Variants in PWWP3B observed in about 807,000 individuals in gnomAD.
The protein encoded by PWWP3B is PWWP domain-containing DNA repair factor 3B.
A neutral mutation model predicts 15.7 loss-of-function variants in PWWP3B; 5 were observed. The observed-to-expected ratio is 0.32, with a 90% CI of 0.17 to 0.67. PWWP3B has a LOEUF of 0.67. Among genes scored for constraint, PWWP3B ranks in the 30% least tolerant of loss-of-function variants. The pLI is 0.74. For missense variants in PWWP3B, 519 were observed against 493.1 expected (o/e 1.05, Z -0.50); for synonymous variants, 203 against 179.8 (o/e 1.13, Z -1.03).
At position 106,193,123 on chromosome X, in the gene PWWP3B, A is replaced by G. The variant is rs748999431; in HGVS notation, c.-400-10862A>G. ...AACTTTCTGTCTCATTGATCTGTCT[A>G]ATGTTGAGAGTGGGGTGTTAAAGTC... On this transcript the variant is annotated intron_variant, in intron 2 of 3. Transcript: ENST00000357175. Among the ~76,000 whole-genome samples, 4 of 111,110 alleles carry G rather than the reference A, an allele frequency of 3.6e-5. No homozygotes were observed. The East Asian group carries it at 8.5e-4, about 24-fold the overall frequency.
At chrX:106,183,772 T>A (rs1203037617) in intron 2 of PWWP3B, among the ~76,000 whole-genome samples, 3 of 112,181 alleles carry the variant, frequency 2.7e-5, no homozygotes, top group Non-Finnish European at 3.8e-5. Flanking sequence ...GTCAATTTCC[T>A]GGCCCTCAAT....
At position 106,207,603 on chromosome X, in the gene PWWP3B, A is replaced by G. The variant is rs1924121922; in HGVS notation, c.*80A>G. 17 of 974,464 alleles carry G rather than the reference A, an allele frequency of 1.7e-5. No individual in the cohort carries two copies. The South Asian group carries it at 4.1e-4, about 24-fold the overall frequency. The allele number at this position is 974,464 out of a possible 1,213,427, so 80.3% of individuals were successfully genotyped here. On this transcript the variant is annotated 3_prime_UTR_variant, in exon 4 of 4. Coordinates refer to ENST00000357175, the MANE Select transcript of PWWP3B (RefSeq NM_001171020.2). ...AAGTCTCTGAACAATTCTCTCTAAT[A>G]CATATTTTCTGCAAATGGGAGCATG... is the stretch of plus-strand genomic sequence containing the variant.
rs1923431985 is a variant in PWWP3B, at chrX:106,197,233, T to C, written c.-400-6752T>C. 1.3e-4 allele frequency among the ~76,000 whole-genome samples: 15 copies of C among 112,033 alleles called. No individual in the cohort carries two copies. The Admixed American group carries it at 1.4e-3, about 11-fold the overall frequency. On this transcript the variant is annotated intron_variant, in intron 2 of 3. Transcript: ENST00000357175. ...TTTCTCAGGCTGCTTTTCATTCATG[T>C]AAGAACTGGGTTAGAGAGGGTTCCC...
chrX:106,180,810 G>A (rs752767952), intron 2 of PWWP3B, among the ~76,000 whole-genome samples: 7 of 111,245 alleles, frequency 6.3e-5, no homozygotes, highest in African/African-American at 6.5e-5. Context: ...TGTCTATATC[G>A]ACCTCTTGCT....
chrX:106,206,679 A>G lies in PWWP3B; in HGVS notation c.1247A>G (p.Lys416Arg). Reference protein sequence around the residue: ...WPAVIKSIRRKERKASVLFVE... With the variant: ...WPAVIKSIRRRERKASVLFVE... ...GCAGTGATAAAAAGTATCAGACGAA[A>G]AGAGAGGAAAGCAAGTGTGCTTTTT... Residue 416 changes from lysine (K) to arginine (R), a missense_variant, in exon 4 of 4, where the codon AAA becomes AGA. By Grantham distance (26) the Lys-to-Arg change is conservative (BLOSUM62 2). Coordinates refer to ENST00000357175, the MANE Select transcript of PWWP3B (RefSeq NM_001171020.2). 2 of 1,210,320 alleles carry G rather than the reference A, an allele frequency of 1.7e-6. No individual in the cohort carries two copies. The highest frequency in any genetic ancestry group is 2.2e-6 in the Non-Finnish European group (2 of 894,736).
At chrX:106,190,805 G>A (rs1471505385) in intron 2 of PWWP3B, among the ~76,000 whole-genome samples, 8 of 111,390 alleles carry the variant, frequency 7.2e-5, no homozygotes, top group African/African-American at 2.6e-4. Context: ...ATAGGGAATC[G>A]TTTCCCCATT....
At chrX:106,187,591 T>G (rs1922595110) in intron 2 of PWWP3B, among the ~76,000 whole-genome samples, 1 of 112,194 alleles carries the variant, frequency 8.9e-6, no homozygotes, top group Non-Finnish European at 1.9e-5. Flanking sequence ...TATACTTGGG[T>G]TGATCATTAT....
Position 106,194,861 on chromosome X carries a change from T to C in PWWP3B, c.-400-9124T>C, listed in dbSNP as rs775781495. Among the ~76,000 whole-genome samples, 144 of 111,778 alleles carry C rather than the reference T, an allele frequency of 1.3e-3. 1 individual carries two copies. The highest frequency in any genetic ancestry group is 4.5e-3 in the African/African-American group (139 of 30,756). ...GCGGTGGCTGCAGAACAGCGGATATTGGTGAACTGCAGATGCTGCTGCCTG... is the reference window on the plus strand; with the variant it reads ...GCGGTGGCTGCAGAACAGCGGATATCGGTGAACTGCAGATGCTGCTGCCTG... On this transcript the variant is annotated intron_variant, in intron 2 of 3. Transcript: ENST00000357175.
At chrX:106,190,306 AT>A (rs1410410598) in intron 2 of PWWP3B, among the ~76,000 whole-genome samples, 8 of 112,027 alleles carry the variant, frequency 7.1e-5, no homozygotes, top group African/African-American at 2.3e-4. Flanking sequence ...AATGATGAGC[AT>A]TTTTTCATGT....
intron 2 of PWWP3B, among the ~76,000 whole-genome samples, chrX:106,197,024 G>T (rs944446600): frequency 9.0e-6 from 1 of 111,421 alleles, no homozygotes; most frequent in Non-Finnish European, 1.9e-5. Context: ...TTATTATCAG[G>T]TGCTAGGCTC....
intron 2 of PWWP3B, among the ~76,000 whole-genome samples, chrX:106,171,755 T>C (rs915676359): frequency 9.1e-6 from 1 of 110,280 alleles, no homozygotes; most frequent in African/African-American, 3.3e-5. Flanking sequence ...CTGTATACCA[T>C]GTTACTGTAC....
chrX:106,194,325 G>A (rs1923223539), intron 2 of PWWP3B, among the ~76,000 whole-genome samples: 1 of 111,416 alleles, frequency 9.0e-6, no homozygotes, highest in Admixed American at 9.5e-5. Context: ...TCTTCCAGTT[G>A]ATCACATCGG....
In PWWP3B at chrX:106,205,900, A is replaced by G. The variant is rs748961511; in HGVS notation, c.468A>G (p.Ala156=). 4 of 1,211,374 alleles carry G rather than the reference A, an allele frequency of 3.3e-6. No individual in the cohort carries two copies. Among genetic ancestry groups the G allele is most frequent in the Middle Eastern group, 2.3e-4 (1 of 4,355 alleles). Residue 156 remains alanine, a synonymous_variant, in exon 4 of 4, where the codon GCA becomes GCG. Coordinates refer to ENST00000357175, the MANE Select transcript of PWWP3B (RefSeq NM_001171020.2). Reference sequence around the variant, plus strand: ...GGGAAAACTCAGCATGCTTGTTAGCATCTTCAGAGAGTGATGATTCCCTGT... The same window carrying G: ...GGGAAAACTCAGCATGCTTGTTAGCGTCTTCAGAGAGTGATGATTCCCTGT... ...EERENSACLL[A]SSESDDSLYD...
At chrX:106,195,540 G>C (rs758110479) in intron 2 of PWWP3B, among the ~76,000 whole-genome samples, 1 of 111,347 alleles carries the variant, frequency 9.0e-6, no homozygotes, top group African/African-American at 3.3e-5. Flanking sequence ...GAATATTTTG[G>C]TGTGTGATGT....
chrX:106,170,154 A>C (rs1037359420), intron 1 of PWWP3B, among the ~76,000 whole-genome samples: 6 of 112,161 alleles, frequency 5.3e-5, no homozygotes, highest in Non-Finnish European at 9.4e-5. Context: ...TTTGTAAAGC[A>C]ATTCACAAAA....
At chrX:106,185,685 G>A (rs756741769) in intron 2 of PWWP3B, among the ~76,000 whole-genome samples, 17 of 111,702 alleles carry the variant, frequency 1.5e-4, no homozygotes, top group Admixed American at 3.8e-4. Flanking sequence ...AGTCCTATGC[G>A]CTCTCCTGTT....
At chrX:106,190,483 AT>A (rs945972877) in intron 2 of PWWP3B, among the ~76,000 whole-genome samples, 1 of 110,913 alleles carries the variant, frequency 9.0e-6, no homozygotes, top group Admixed American at 9.6e-5. Flanking sequence ...ATTTTCTCCC[AT>A]TTTGTAGGTT....
rs1456400193 is a variant in PWWP3B at position 106,168,425 on chromosome X, G to C, written c.-529G>C. ...AGAGTTCTCGAAGATTTGGAATAAA[G>C]GTGAGAAAAGAAGAGAGTGCTGCTT... is the stretch of plus-strand genomic sequence containing the variant. On this transcript the variant is annotated splice_region_variant and 5_prime_UTR_variant, in exon 1 of 4. Coordinates refer to ENST00000357175, the MANE Select transcript of PWWP3B (RefSeq NM_001171020.2). 1 of 112,152 alleles carries C rather than the reference G, an allele frequency of 8.9e-6. No individual in the cohort carries two copies. Among genetic ancestry groups the C allele is most frequent in the Non-Finnish European group, 1.9e-5 (1 of 53,277 alleles). The allele number at this position is 112,152 out of a possible 1,213,427, so 9.2% of individuals were successfully genotyped here. A position where few individuals can be genotyped will look rare whatever the true frequency, so the allele number is the denominator to read the frequency against.
chrX:106,182,832 G>T (rs190801388), intron 2 of PWWP3B, among the ~76,000 whole-genome samples: 1 of 111,276 alleles, frequency 9.0e-6, no homozygotes, highest in Non-Finnish European at 1.9e-5. Context: ...GGCAAGGAGC[G>T]GTGTTAAAGA....
Sources: gnomAD v4.1 joint callset for allele counts (sites outside exome capture counted in the v4.1 genomes callset) on GRCh38, gnomAD v4.1.1 for gene constraint, MANE v1.5 for transcripts, NCBI Gene and HGNC (gene_info 2026-07-23, HGNC 2026-07-21) for gene names.